PDLIM1: variants seen among roughly 807,000 people sequenced by gnomAD.
PDLIM1 encodes PDZ and LIM domain protein 1.
PDLIM1 carries 25 observed loss-of-function variants against 35.2 expected under a neutral mutation model. The ratio of observed to expected loss-of-function variants is 0.71; its 90% confidence interval spans 0.52 to 0.99. The LOEUF (loss-of-function observed/expected upper bound fraction) is 0.99, where lower values mean the gene tolerates loss of function less well. Among genes scored for constraint, PDLIM1 ranks in the 50% least tolerant of loss-of-function variants. The pLI is 0.00. For synonymous variants in PDLIM1, 152 were observed against 154.0 expected (o/e 0.99, Z 0.10); for missense variants, 363 against 415.3 (o/e 0.87, Z 1.09).
intron 4 of PDLIM1, among the ~76,000 whole-genome samples, chr10:95,249,540 A>G (rs1297263009): frequency 6.6e-6 from 1 of 151,952 alleles, no homozygotes; most frequent in Non-Finnish European, 1.5e-5. Context: ...CTCTAAACAG[A>G]CTCTCTTTAG....
At chr10:95,265,329 T>C (rs1199121855) in intron 3 of PDLIM1, among the ~76,000 whole-genome samples, 1 of 152,192 alleles carries the variant, frequency 6.6e-6, no homozygotes. Flanking sequence ...GCGTGGTGGC[T>C]CACGCCTGTA....
At chr10:95,275,672 G>A (rs574607702) in intron 1 of PDLIM1, among the ~76,000 whole-genome samples, 1 of 152,302 alleles carries the variant, frequency 6.6e-6, no homozygotes, top group East Asian at 1.9e-4. Context: ...GATTGGAACT[G>A]GAGAGGTTGA....
intron 4 of PDLIM1, among the ~76,000 whole-genome samples, chr10:95,262,650 G>A (rs1019201964): frequency 7.6e-6 from 1 of 131,938 alleles, no homozygotes. Flanking sequence ...TCCTCATCCT[G>A]CCTGCCACTT....
chr10:95,270,336 CAA>C (rs943239754), intron 2 of PDLIM1, among the ~76,000 whole-genome samples: 13 of 123,608 alleles, frequency 1.1e-4, no homozygotes, highest in Admixed American at 1.6e-4. Flanking sequence ...TGCCACAAAG[CAA>C]AAAAAAAAAA....
At chr10:95,241,161 G>A (rs982566754) in intron 5 of PDLIM1, among the ~76,000 whole-genome samples, 4 of 152,208 alleles carry the variant, frequency 2.6e-5, no homozygotes, top group Admixed American at 2.6e-4. Context: ...TAGCTCTCTT[G>A]TTCTTTCAGA....
chr10:95,276,107 T>C (rs1365767027), intron 1 of PDLIM1, among the ~76,000 whole-genome samples: 1 of 152,190 alleles, frequency 6.6e-6, no homozygotes, highest in Non-Finnish European at 1.5e-5. Context: ...GATAATAATA[T>C]GATTACCTCA....
chr10:95,252,947 A>G (rs544867706), intron 4 of PDLIM1, among the ~76,000 whole-genome samples: 1 of 152,320 alleles, frequency 6.6e-6, no homozygotes, highest in Admixed American at 6.5e-5. Context: ...GAAGAAGAGA[A>G]AAAAGGTGGA....
At chr10:95,285,893 T>C (rs1452727431) in intron 1 of PDLIM1, among the ~76,000 whole-genome samples, 1 of 152,264 alleles carries the variant, frequency 6.6e-6, no homozygotes, top group Non-Finnish European at 1.5e-5. Flanking sequence ...ACTATGGTTA[T>C]TACTGCAAGC....
chr10:95,263,728 A>C, intron 4 of PDLIM1, 136 bp downstream of exon 4: 2 of 610,022 alleles, frequency 3.3e-6, no homozygotes, highest in Non-Finnish European at 5.8e-6. Flanking sequence ...GAAGAAAATG[A>C]ACACAGAAGT....
chr10:95,280,067 A>G (rs1433496561), intron 1 of PDLIM1, among the ~76,000 whole-genome samples: 1 of 152,148 alleles, frequency 6.6e-6, no homozygotes, highest in Non-Finnish European at 1.5e-5. Context: ...TTTTTAGTAA[A>G]TTTTCTTTTT....
At chr10:95,269,613 T>C (rs1208148987) in intron 2 of PDLIM1, among the ~76,000 whole-genome samples, 1 of 152,112 alleles carries the variant, frequency 6.6e-6, no homozygotes, top group Non-Finnish European at 1.5e-5. Flanking sequence ...CTTTTGCTCT[T>C]ATAAACTATT....
rs45535044 is a variant in PDLIM1 at position 95,256,402 on chromosome 10, G to C, written c.533+7462C>G. On this transcript the variant is annotated intron_variant, in intron 4 of 6. Coordinates refer to ENST00000329399, the MANE Select transcript of PDLIM1 (RefSeq NM_020992.4). ...AAATAGCCAAAACAACCTTGAGAAG[G>C]AAAAACAAAAATGGAGGCCTCATAC... is the stretch of plus-strand genomic sequence containing the variant. Among the ~76,000 whole-genome samples the C allele has an allele frequency of 5.9e-3, 898 of 152,018 alleles. 9 individuals are homozygous for C. Among genetic ancestry groups the C allele is most frequent in the African/African-American group, 0.02 (835 of 41,468 alleles).
At chr10:95,260,779 C>G (rs1375570035) in intron 4 of PDLIM1, among the ~76,000 whole-genome samples, 3 of 152,348 alleles carry the variant, frequency 2.0e-5, no homozygotes, top group African/African-American at 7.2e-5. Flanking sequence ...TCTGGAACTT[C>G]AGCGAATTTC....
chr10:95,255,686 GA>G (rs944497492), intron 4 of PDLIM1, among the ~76,000 whole-genome samples: 7 of 152,088 alleles, frequency 4.6e-5, no homozygotes, highest in South Asian at 2.1e-4. Flanking sequence ...CACTCAAAAT[GA>G]AAAACCAAAA....
In PDLIM1 at chr10:95,241,022, G is replaced by A. The variant is rs566242846; in HGVS notation, c.686-2337C>T. On this transcript the variant is annotated intron_variant, in intron 5 of 6. Coordinates refer to ENST00000329399, the MANE Select transcript of PDLIM1 (RefSeq NM_020992.4). ...CTGCATTTCCAACAAGTTCCCAGGC[G>A]CCACTGATCCAAGAACCACTGGACA... Among the ~76,000 whole-genome samples, 5 of 152,270 alleles carry A rather than the reference G, an allele frequency of 3.3e-5. No individual in the cohort carries two copies. The South Asian group carries it at 8.3e-4, about 25-fold the overall frequency.
chr10:95,288,121 TG>T (rs1291645448), intron 1 of PDLIM1, among the ~76,000 whole-genome samples: 9 of 152,206 alleles, frequency 5.9e-5, no homozygotes, highest in Admixed American at 2.6e-4. Context: ...TACAGATGCT[TG>T]CTTTATAATC....
chr10:95,275,807 C>G (rs981437012), intron 1 of PDLIM1, among the ~76,000 whole-genome samples: 3 of 152,120 alleles, frequency 2.0e-5, no homozygotes, highest in Non-Finnish European at 4.4e-5. Context: ...CCCAACAGGT[C>G]CTGGACAAGC....
rs760415621 is a variant in PDLIM1, at chr10:95,268,942, CCT to C, written c.249-82_249-81del. ...CCAAAGACAAACTGGAAAAATGCCC[CCT>C]CTTTCCTGGACTAGGCACTGAACTA... On this transcript the variant is annotated intron_variant, in intron 2 of 6. Coordinates refer to ENST00000329399, the MANE Select transcript of PDLIM1 (RefSeq NM_020992.4). The C allele has an allele frequency of 6.4e-5, 65 of 1,010,900 alleles. 1 individual carries two copies. In the Middle Eastern group the frequency reaches 8.2e-4, roughly 13 times the overall value. 62.6% of individuals were successfully genotyped at this position (1,010,900 alleles called of 1,614,324 possible).
intron 5 of PDLIM1, among the ~76,000 whole-genome samples, chr10:95,241,486 G>A (rs908261245): frequency 6.6e-6 from 1 of 152,128 alleles, no homozygotes; most frequent in Non-Finnish European, 1.5e-5. Flanking sequence ...GAGCAGTTTC[G>A]ATTGTCACAG....
Sources: gnomAD v4.1 joint callset for allele counts (sites outside exome capture counted in the v4.1 genomes callset) on GRCh38, gnomAD v4.1.1 for gene constraint, MANE v1.5 for transcripts, NCBI Gene and HGNC (gene_info 2026-07-23, HGNC 2026-07-21) for gene names.